Variants in XPO1 observed in about 807,000 individuals in gnomAD.
The protein encoded by XPO1 is exportin 1, also known as exportin-1.
XPO1 carries 5 observed loss-of-function variants against 133.3 expected under a neutral mutation model. That is an observed-to-expected ratio of 0.04 (90% CI 0.02 to 0.08). The LOEUF is 0.08. Ranked by LOEUF, XPO1 falls within the 10% of genes least tolerant of loss-of-function variation. The probability of loss-of-function intolerance (pLI) is 1.00; values close to 1 mark genes in which losing one functional copy is unlikely to be tolerated. For synonymous variants in XPO1, 419 were observed against 408.2 expected, an observed-to-expected ratio of 1.03 and a Z score of -0.32; for missense variants, 506 against 1,267.5, an observed-to-expected ratio of 0.40 and a Z score of 9.12.
rs761553083 is a variant in XPO1 at position 61,495,449 on chromosome 2, T to C, written c.1047+6A>G. The C allele has an allele frequency of 2.1e-5, 32 of 1,539,940 alleles. No homozygotes were observed. In the East Asian group the frequency reaches 6.2e-4, roughly 30 times the overall value. The stretch of plus-strand genomic sequence containing the variant: ...ATTTTAGGAGCAAAAGCTCCACATA[T>C]CTTACCTCCATAAGAGTTTCCCTGA... On this transcript the variant is annotated splice_donor_region_variant and intron_variant, in intron 11 of 24. Transcript: ENST00000401558.
chr2:61,499,697 CAT>C lies in XPO1; in HGVS notation c.590+14_590+15del, dbSNP rs781726373. 9.6e-6 allele frequency: 15 copies of C among 1,555,890 alleles called. 1 individual carries two copies. In the South Asian group the frequency reaches 1.7e-4, roughly 18 times the overall value. On this transcript the variant is annotated intron_variant, in intron 7 of 24. Coordinates refer to ENST00000401558, the MANE Select transcript of XPO1 (RefSeq NM_003400.4). ...GAGAAATCACTTTAAAATTCTAAAA[CAT>C]AATTATTACTTGCCTGTCTTTTAAA...
intron 10 of XPO1, 29 bp from the exon 11 acceptor site, chr2:61,495,642 C>A: frequency 6.6e-7 from 1 of 1,522,254 alleles, no homozygotes; most frequent in Non-Finnish European, 8.8e-7. Context: ...ACGATCAGTT[C>A]GCATTTTATA....
intron 19 of XPO1, among the ~76,000 whole-genome samples, chr2:61,486,292 G>C: frequency 6.6e-6 from 1 of 152,134 alleles, no homozygotes; most frequent in South Asian, 2.1e-4. Flanking sequence ...TTGTGCCTCA[G>C]TCTCCTGAGT....
rs745935259 is a variant in XPO1, at chr2:61,478,119, T to C, written c.*701A>G. 1 of 231,574 alleles carries C rather than the reference T, an allele frequency of 4.3e-6. No homozygotes were observed. The highest frequency in any genetic ancestry group is 8.6e-6 in the Non-Finnish European group (1 of 116,810). The allele number at this position is 231,574 out of a possible 1,614,324, so 14.3% of individuals were successfully genotyped here. A position where few individuals can be genotyped will look rare whatever the true frequency, so the allele number is the denominator to read the frequency against. Reference sequence around the variant, plus strand: ...TTTTAACCATTTCACTTCGAGTTAATGAAGGCTCACAAATGAGCAACACTC... The same window carrying C: ...TTTTAACCATTTCACTTCGAGTTAACGAAGGCTCACAAATGAGCAACACTC... On this transcript the variant is annotated 3_prime_UTR_variant, in exon 25 of 25. Coordinates refer to ENST00000401558, the MANE Select transcript of XPO1 (RefSeq NM_003400.4).
intron 4 of XPO1, among the ~76,000 whole-genome samples, chr2:61,521,259 T>A (rs760441791): frequency 8.5e-5 from 13 of 152,148 alleles, no homozygotes; most frequent in Non-Finnish European, 1.8e-4. Flanking sequence ...TTTGTCAAGG[T>A]TTAAGTCAGA....
chr2:61,478,641 G>T lies in XPO1; in HGVS notation c.*179C>A, dbSNP rs1696177186. 3.1e-6 allele frequency: 2 copies of T among 635,188 alleles called. No homozygotes were observed. The highest frequency in any genetic ancestry group is 2.8e-5 in the South Asian group (1 of 36,126). 39.3% of individuals were successfully genotyped at this position (635,188 alleles called of 1,614,324 possible). On this transcript the variant is annotated 3_prime_UTR_variant, in exon 25 of 25. Transcript: ENST00000401558. ...CTAAATAAAGATGACCAAAACAAAA[G>T]CTTAAACAATGGAAGGATATTTCAC...
In XPO1 at chr2:61,488,386, CACAAAATTT is replaced by C. The variant is rs1696797013; in HGVS notation, c.2207-124_2207-116del. On this transcript the variant is annotated intron_variant, in intron 18 of 24. Transcript: ENST00000401558. Reference sequence around the variant, plus strand: ...ATTAAAAAGTTTAAAGCCAAAAGTTCACAAAATTTATTGGGAAAATAAGCTTTAAGACTA... The same window carrying C: ...ATTAAAAAGTTTAAAGCCAAAAGTTCATTGGGAAAATAAGCTTTAAGACTA... The C allele has an allele frequency of 2.4e-6, 3 of 1,246,288 alleles. No individual in the cohort carries two copies. The South Asian group carries it at 4.4e-5, about 18-fold the overall frequency. The allele number at this position is 1,246,288 out of a possible 1,614,324, so 77.2% of individuals were successfully genotyped here. A position where few individuals can be genotyped will look rare whatever the true frequency, so the allele number is the denominator to read the frequency against.
chr2:61,517,155 C>A (rs1698433404), intron 4 of XPO1, among the ~76,000 whole-genome samples: 1 of 152,184 alleles, frequency 6.6e-6, no homozygotes, highest in Non-Finnish European at 1.5e-5. Context: ...CCCACCTCAG[C>A]CTCCCAAAGT....
chr2:61,499,579 G>T, intron 7 of XPO1, 134 bp downstream of exon 7: 1 of 813,946 alleles, frequency 1.2e-6, no homozygotes. Context: ...TTCTTAATCT[G>T]CAGTTGAAAA....
rs1696149559 is a variant in XPO1, at chr2:61,478,103, T to C, written c.*717A>G. 2 of 210,316 alleles carry C rather than the reference T, an allele frequency of 9.5e-6. No homozygotes were observed. Among genetic ancestry groups the C allele is most frequent in the Non-Finnish European group, 1.9e-5 (2 of 103,556 alleles). The allele number at this position is 210,316 out of a possible 1,614,324, so 13.0% of individuals were successfully genotyped here. ...CTAACAGGATAAATATTTTTAACCA[T>C]TTCACTTCGAGTTAATGAAGGCTCA... On this transcript the variant is annotated 3_prime_UTR_variant, in exon 25 of 25. Transcript: ENST00000401558.
intron 17 of XPO1, among the ~76,000 whole-genome samples, chr2:61,489,480 A>G (rs1205944882): frequency 1.3e-5 from 2 of 151,944 alleles, no homozygotes; most frequent in Non-Finnish European, 2.9e-5. Context: ...CCTAAACCAT[A>G]TTTATAATCC....
intron 2 of XPO1, among the ~76,000 whole-genome samples, chr2:61,530,684 CCTTGTA>C (rs1175144503): frequency 6.6e-6 from 1 of 151,346 alleles, no homozygotes; most frequent in Admixed American, 6.6e-5. Flanking sequence ...TAAAAGTCAC[CCTTGTA>C]AATAATTTCT....
At chr2:61,533,125 GCTGAGATAGCGC>G (rs1410626374) in intron 2 of XPO1, among the ~76,000 whole-genome samples, 2 of 152,198 alleles carry the variant, frequency 1.3e-5, no homozygotes, top group Non-Finnish European at 2.9e-5. Context: ...GTTGCAGTGA[GCTGAGATAGCGC>G]CACTGCACTC....
At chr2:61,503,209 G>A (rs573710593) in intron 4 of XPO1, among the ~76,000 whole-genome samples, 24 of 151,966 alleles carry the variant, frequency 1.6e-4, no homozygotes, top group Admixed American at 1.2e-3. Flanking sequence ...CGCCCTCCTC[G>A]GCCTCCCAAA....
At position 61,499,755 on chromosome 2, in the gene XPO1, C is replaced by T; in HGVS notation, c.548G>A (p.Ser183Asn). 6.2e-7 allele frequency: 1 copy of T among 1,609,272 alleles called. No homozygotes were observed. Among genetic ancestry groups the T allele is most frequent in the East Asian group, 2.2e-5 (1 of 44,762 alleles). The change falls in exon 7 of 25, where the codon AGT (serine) becomes AAT (asparagine). Residue 183 changes from serine (S) to asparagine (N), a missense_variant. This residue lies in a region of XPO1 where 68 missense variants were observed against 210.5 expected (regional missense o/e 0.32). Transcript: ENST00000401558. ...AGATTTGACTTGGGTTATCTGTCCA[C>T]TAGAGAAATCAAATACTTCTTCACT... Reference protein sequence around the residue: ...LLSEEVFDFSSGQITQVKSKH... With the variant: ...LLSEEVFDFSNGQITQVKSKH...
chr2:61,493,860 A>C (rs745356762), intron 12 of XPO1, 34 bp downstream of exon 12: 15 of 1,609,790 alleles, frequency 9.3e-6, no homozygotes, highest in Non-Finnish European at 1.3e-5. Context: ...CACAGTATGC[A>C]ACAGGAAGAA....
intron 1 of XPO1, 169 bp from the exon 2 acceptor site, chr2:61,534,072 AT>A: frequency 5.1e-6 from 3 of 593,594 alleles, no homozygotes; most frequent in Non-Finnish European, 7.7e-6. Context: ...AAAAGCTGAA[AT>A]TACTTAGCTA....
intron 3 of XPO1, 27 bp downstream of exon 3, chr2:61,526,393 C>T: frequency 1.3e-6 from 2 of 1,594,940 alleles, no homozygotes; most frequent in South Asian, 1.1e-5. Flanking sequence ...AAAGAAATAA[C>T]AGATTTTAAA....
In XPO1 at chr2:61,537,752, A is replaced by AACACACACACACACACACAC. The variant is rs34469311; in HGVS notation, c.-217_-198dup. On this transcript the variant is annotated 5_prime_UTR_variant, in exon 1 of 25. Coordinates refer to ENST00000401558, the MANE Select transcript of XPO1 (RefSeq NM_003400.4). ...TTACTATTTCAGGGACGCTTCCCCC[A>AACACACACACACACACACAC]ACACACACACACACACACACACACA... 14 of 139,206 alleles carry AACACACACACACACACACAC rather than the reference A, an allele frequency of 1.0e-4. No individual in the cohort carries two copies. The highest frequency in any genetic ancestry group is 2.3e-4 in the South Asian group (1 of 4,268). The allele number at this position is 139,206 out of a possible 1,614,324, so 8.6% of individuals were successfully genotyped here.
Sources: allele counts gnomAD v4.1 joint callset (sites outside exome capture counted in the v4.1 genomes callset), GRCh38; gene constraint gnomAD v4.1.1; regional missense constraint gnomAD v4.1.1; transcripts MANE v1.5; gene names NCBI Gene and HGNC (gene_info 2026-07-23, HGNC 2026-07-21).